The following FAM184B variants were observed in gnomAD, a reference collection of about 807,000 sequenced individuals.
FAM184B encodes family with sequence similarity 184 member B, also known as protein FAM184B.
FAM184B carries 111 observed loss-of-function variants against 135.9 expected under a neutral mutation model. The observed-to-expected ratio is 0.82, with a 90% confidence interval of 0.70 to 0.96. The LOEUF is 0.96. FAM184B is among the 40% of genes least tolerant of loss of function. The probability of loss-of-function intolerance (pLI) is 0.00; values close to 1 mark genes in which losing one functional copy is unlikely to be tolerated. For missense variants in FAM184B, 1,375 were observed against 1,323.9 expected (o/e 1.04, Z -0.60); for synonymous variants, 552 against 524.8 (o/e 1.05, Z -0.71).
At chr4:17,765,867 G>T (rs1213229622) in intron 1 of FAM184B, among the ~76,000 whole-genome samples, 1 of 152,072 alleles carries the variant, frequency 6.6e-6, no homozygotes, top group African/African-American at 2.4e-5. Context: ...AGAGTTCGGG[G>T]TCTCCCTGGT....
intron 1 of FAM184B, among the ~76,000 whole-genome samples, chr4:17,748,499 T>C (rs1718224254): frequency 7.4e-6 from 1 of 135,624 alleles, no homozygotes; most frequent in East Asian, 2.1e-4. Flanking sequence ...TTAATCCTCT[T>C]GTGTAATTTT....
intron 1 of FAM184B, among the ~76,000 whole-genome samples, chr4:17,756,741 A>G (rs1718432826): frequency 6.6e-6 from 1 of 152,192 alleles, no homozygotes; most frequent in African/African-American, 2.4e-5. Flanking sequence ...CCTGGACAAC[A>G]TGGCAAAAAC....
At chr4:17,696,714 G>A (rs1036124275) in intron 5 of FAM184B, among the ~76,000 whole-genome samples, 1 of 152,062 alleles carries the variant, frequency 6.6e-6, no homozygotes, top group East Asian at 1.9e-4. Context: ...TCAGGGGGCC[G>A]AGGCAGGAGG....
intron 1 of FAM184B, among the ~76,000 whole-genome samples, chr4:17,733,220 A>T (rs999537776): frequency 6.6e-5 from 10 of 152,178 alleles, no homozygotes; most frequent in African/African-American, 2.2e-4. Flanking sequence ...ACAAACCCAC[A>T]GCCAATATCA....
chr4:17,727,458 C>T (rs1717666269), intron 1 of FAM184B, among the ~76,000 whole-genome samples: 1 of 152,182 alleles, frequency 6.6e-6, no homozygotes, highest in South Asian at 2.1e-4. Flanking sequence ...TATAAAGATA[C>T]TAGCTGAGAC....
At chr4:17,768,794 G>A (rs1207019362) in intron 1 of FAM184B, among the ~76,000 whole-genome samples, 1 of 150,978 alleles carries the variant, frequency 6.6e-6, no homozygotes, top group Non-Finnish European at 1.5e-5. Context: ...ATCAGTAAAT[G>A]TTTATTTCTT....
At chr4:17,757,108 C>T (rs898784605) in intron 1 of FAM184B, among the ~76,000 whole-genome samples, 2 of 152,092 alleles carry the variant, frequency 1.3e-5, no homozygotes, top group Admixed American at 1.3e-4. Context: ...AAACATTGAA[C>T]CTGAATCGAA....
At chr4:17,768,569 C>A (rs888344916) in intron 1 of FAM184B, among the ~76,000 whole-genome samples, 1 of 152,184 alleles carries the variant, frequency 6.6e-6, no homozygotes, top group African/African-American at 2.4e-5. Flanking sequence ...GCCACCATGC[C>A]AGCCTTCTGA....
Position 17,672,557 on chromosome 4 carries a change from T to A in FAM184B, c.1597-7898A>T, listed in dbSNP as rs116625670. Among the ~76,000 whole-genome samples the A allele has an allele frequency of 4.8e-3, 725 of 152,310 alleles. 3 individuals carry two copies. Among genetic ancestry groups the A allele is most frequent in the Middle Eastern group, 0.01 (3 of 294 alleles). On this transcript the variant is annotated intron_variant, in intron 7 of 17. Coordinates refer to ENST00000265018, the MANE Select transcript of FAM184B (RefSeq NM_015688.2). Reference sequence around the variant, plus strand: ...ATCGCATTGAGGTATGTCCTTTGTATACCAATTTTGCTGAGAGTTTTAATC... The same window carrying A: ...ATCGCATTGAGGTATGTCCTTTGTAAACCAATTTTGCTGAGAGTTTTAATC...
intron 11 of FAM184B, among the ~76,000 whole-genome samples, chr4:17,650,511 G>A (rs1181238744): frequency 6.6e-6 from 1 of 152,120 alleles, no homozygotes; most frequent in Non-Finnish European, 1.5e-5. Flanking sequence ...GGGGAAGAAT[G>A]GGGCTGCTGT....
intron 1 of FAM184B, among the ~76,000 whole-genome samples, chr4:17,778,326 A>G (rs1050861770): frequency 1.3e-5 from 2 of 152,314 alleles, no homozygotes; most frequent in East Asian, 3.9e-4. Flanking sequence ...GTTCACTAGA[A>G]TTTTATATCC....
chr4:17,720,746 TG>T (rs757518860), intron 1 of FAM184B, among the ~76,000 whole-genome samples: 77 of 151,218 alleles, frequency 5.1e-4, no homozygotes, highest in African/African-American at 1.5e-3. Context: ...ATTAGCTGGG[TG>T]TGGTGGTGCA....
intron 1 of FAM184B, among the ~76,000 whole-genome samples, chr4:17,733,429 A>C (rs1203152337): frequency 2.0e-5 from 3 of 152,188 alleles, no homozygotes; most frequent in Non-Finnish European, 4.4e-5. Context: ...TATATCTAGA[A>C]ATCCCCATCG....
chr4:17,648,417 G>A, intron 11 of FAM184B, among the ~76,000 whole-genome samples: 1 of 151,884 alleles, frequency 6.6e-6, no homozygotes, highest in Non-Finnish European at 1.5e-5. Flanking sequence ...CACGATCTCG[G>A]CTCACTGCAG....
chr4:17,652,758 G>A, intron 11 of FAM184B, 72 bp downstream of exon 11: 1 of 1,494,306 alleles, frequency 6.7e-7, no homozygotes, highest in Non-Finnish European at 9.0e-7. Context: ...CTGGCCCTCA[G>A]CTTGTCTCTG....
chr4:17,643,077 C>T (rs1403204182), intron 12 of FAM184B, among the ~76,000 whole-genome samples: 1 of 152,264 alleles, frequency 6.6e-6, no homozygotes, highest in South Asian at 2.1e-4. Context: ...ACTTGGCACT[C>T]TCACATGCAT....
At chr4:17,763,592 G>C (rs1311299174) in intron 1 of FAM184B, among the ~76,000 whole-genome samples, 1 of 151,990 alleles carries the variant, frequency 6.6e-6, no homozygotes, top group Non-Finnish European at 1.5e-5. Flanking sequence ...TTTGCAAGAT[G>C]AATGTCACCA....
intron 11 of FAM184B, among the ~76,000 whole-genome samples, chr4:17,649,848 CCATCCATCCATCCACCCACT>C (rs1266851485): frequency 3.8e-5 from 5 of 132,188 alleles, no homozygotes; most frequent in Non-Finnish European, 4.6e-5. Flanking sequence ...ATCCACCTGT[CCATCCATCCATCCACCCACT>C]CATCCATCCA....
At chr4:17,764,679 G>A (rs1718619871) in intron 1 of FAM184B, among the ~76,000 whole-genome samples, 1 of 152,028 alleles carries the variant, frequency 6.6e-6, no homozygotes, top group Non-Finnish European at 1.5e-5. Context: ...GAAGCTGTTG[G>A]GAGTTCAAAG....
Sources: allele counts gnomAD v4.1 joint callset (sites outside exome capture counted in the v4.1 genomes callset), GRCh38; gene constraint gnomAD v4.1.1; transcripts MANE v1.5; gene names NCBI Gene and HGNC (gene_info 2026-07-23, HGNC 2026-07-21).